Variants in CEP128 observed in about 807,000 individuals in gnomAD.
CEP128 encodes centrosomal protein 128kDa.
A neutral mutation model predicts 156.7 loss-of-function variants in CEP128; 132 were observed. The observed-to-expected ratio is 0.84, with a 90% CI of 0.73 to 0.97. CEP128 has a LOEUF of 0.97. Ranked by LOEUF, CEP128 falls within the 50% of genes least tolerant of loss-of-function variation. The pLI, the probability that CEP128 is intolerant of heterozygous loss-of-function variation, is 0.00. For synonymous variants in CEP128, 469 were observed against 448.9 expected (o/e 1.04, Z -0.57); for missense variants, 1,252 against 1,281.9 (o/e 0.98, Z 0.36).
At chr14:80,540,204 C>CT (rs972804305) in intron 21 of CEP128, among the ~76,000 whole-genome samples, 2 of 150,190 alleles carry the variant, frequency 1.3e-5, no homozygotes, top group South Asian at 4.3e-4. Flanking sequence ...TACACCCCCC[C>CT]CCCTTTTGAA....
At chr14:80,717,737 A>G (rs113566019) in intron 19 of CEP128, among the ~76,000 whole-genome samples, 2 of 152,330 alleles carry the variant, frequency 1.3e-5, no homozygotes, top group Admixed American at 6.5e-5. Flanking sequence ...AGAATATTAG[A>G]TCAAATAGAT....
At chr14:80,504,851 TC>T in intron 24 of CEP128, 60 bp downstream of exon 24, 2 of 818,688 alleles carry the variant, frequency 2.4e-6, no homozygotes, top group Admixed American at 2.4e-5. Flanking sequence ...AAACTAATTT[TC>T]CCATGTGTTG....
At chr14:80,797,176 C>T (rs1180458921) in intron 13 of CEP128, among the ~76,000 whole-genome samples, 3 of 152,172 alleles carry the variant, frequency 2.0e-5, no homozygotes, top group Admixed American at 2.0e-4. Context: ...GTTATTTAAT[C>T]TTCTGTAACT....
chr14:80,656,295 A>ATTTT (rs1342288113), intron 19 of CEP128, among the ~76,000 whole-genome samples: 63 of 3,572 alleles, frequency 0.018, 7 homozygotes, highest in African/African-American at 0.11. Context: ...ATATATTTAT[A>ATTTT]TATATATATA....
At chr14:80,733,141 C>T (rs1566883495) in intron 19 of CEP128, among the ~76,000 whole-genome samples, 2 of 152,080 alleles carry the variant, frequency 1.3e-5, no homozygotes, top group East Asian at 1.9e-4. Context: ...AATCACTCTC[C>T]CTCTGCATGA....
intron 16 of CEP128, among the ~76,000 whole-genome samples, chr14:80,761,934 G>C (rs1899991590): frequency 1.3e-5 from 2 of 152,062 alleles, no homozygotes; most frequent in African/African-American, 4.8e-5. Context: ...TAATGAATGA[G>C]AGTAAAAGAT....
intron 2 of CEP128, among the ~76,000 whole-genome samples, chr14:80,947,572 G>A (rs1233726931): frequency 6.6e-6 from 1 of 152,156 alleles, no homozygotes; most frequent in Non-Finnish European, 1.5e-5. Flanking sequence ...TGAATACAGG[G>A]CCCTGAGTGA....
chr14:80,833,539 A>C (rs1885921303), intron 12 of CEP128, among the ~76,000 whole-genome samples: 1 of 152,054 alleles, frequency 6.6e-6, no homozygotes, highest in African/African-American at 2.4e-5. Flanking sequence ...TCAGTATAGG[A>C]TAGCAGTTAA....
At chr14:80,590,938 T>C (rs1211385722) in intron 19 of CEP128, among the ~76,000 whole-genome samples, 1 of 149,368 alleles carries the variant, frequency 6.7e-6, no homozygotes, top group Admixed American at 6.7e-5. Flanking sequence ...AATAAAATCC[T>C]TTACAGACAA....
At chr14:80,936,334 A>G (rs1253995393) in intron 2 of CEP128, among the ~76,000 whole-genome samples, 4 of 152,276 alleles carry the variant, frequency 2.6e-5, no homozygotes, top group African/African-American at 7.2e-5. Flanking sequence ...GTGATCCAAG[A>G]TGACACCACT....
intron 19 of CEP128, among the ~76,000 whole-genome samples, chr14:80,682,785 T>C (rs1896372934): frequency 6.6e-6 from 1 of 152,226 alleles, no homozygotes; most frequent in African/African-American, 2.4e-5. Context: ...TTGGGGCCTA[T>C]GTTCGGCACT....
Position 80,626,413 on chromosome 14 carries a change from G to A in CEP128, c.2807-45990C>T, listed in dbSNP as rs558965412. 4.0e-4 allele frequency among the ~76,000 whole-genome samples: 58 copies of A among 145,528 alleles called. No homozygotes were observed. The South Asian group carries it at 5.0e-3, about 13-fold the overall frequency. On this transcript the variant is annotated intron_variant, in intron 19 of 24. Coordinates refer to ENST00000555265, the MANE Select transcript of CEP128 (RefSeq NM_152446.5). ...CGGGAAGCGGAGCTTGCAGTGAGCC[G>A]AGATTGCGCCACTGCAGTCCACAGT...
At chr14:80,954,391 G>A (rs990893973) in intron 2 of CEP128, among the ~76,000 whole-genome samples, 5 of 152,110 alleles carry the variant, frequency 3.3e-5, no homozygotes, top group African/African-American at 1.2e-4. Context: ...ATCTAGTCGC[G>A]AGACACTTGG....
chr14:80,515,162 G>T (rs1341110126), intron 23 of CEP128, among the ~76,000 whole-genome samples: 1 of 152,162 alleles, frequency 6.6e-6, no homozygotes, highest in Non-Finnish European at 1.5e-5. Flanking sequence ...ATCACCACTA[G>T]GACTCTATTG....
intron 19 of CEP128, among the ~76,000 whole-genome samples, chr14:80,695,659 T>C (rs1305218195): frequency 2.7e-5 from 4 of 150,438 alleles, no homozygotes; most frequent in African/African-American, 4.9e-5. Flanking sequence ...AGAGGTCACA[T>C]TGAGCCAAGA....
chr14:80,826,097 T>G (rs1327646146), intron 13 of CEP128, among the ~76,000 whole-genome samples: 2 of 138,028 alleles, frequency 1.4e-5, no homozygotes, highest in African/African-American at 5.7e-5. Flanking sequence ...CAGAGCGAGA[T>G]TCTGTCTCAA....
chr14:80,866,091 C>A (rs1269387041), intron 8 of CEP128, among the ~76,000 whole-genome samples: 2 of 152,178 alleles, frequency 1.3e-5, no homozygotes, highest in African/African-American at 2.4e-5. Context: ...GGTCAGCCCC[C>A]ACAGATGCAG....
At chr14:80,888,332 G>T (rs966271673) in intron 8 of CEP128, among the ~76,000 whole-genome samples, 4 of 152,086 alleles carry the variant, frequency 2.6e-5, no homozygotes, top group African/African-American at 9.7e-5. Context: ...AACAAAAAAA[G>T]AAAATTTCAG....
At chr14:80,649,305 G>C (rs770712059) in intron 19 of CEP128, among the ~76,000 whole-genome samples, 3 of 152,024 alleles carry the variant, frequency 2.0e-5, no homozygotes, top group Admixed American at 6.6e-5. Context: ...TGCTACATCT[G>C]TCTTCTGAGG....
Sources: gnomAD v4.1 joint callset for allele counts (sites outside exome capture counted in the v4.1 genomes callset) on GRCh38, gnomAD v4.1.1 for gene constraint, MANE v1.5 for transcripts, NCBI Gene and HGNC (gene_info 2026-07-23, HGNC 2026-07-21) for gene names.